CMIP: variants seen among roughly 807,000 people sequenced by gnomAD.
CMIP encodes c-Maf inducing protein.
A neutral mutation model predicts 97.3 loss-of-function variants in CMIP; 13 were observed. The observed-to-expected ratio is 0.13, with a 90% CI of 0.09 to 0.21. CMIP has a LOEUF of 0.21. CMIP is among the 10% of genes least tolerant of loss of function. The probability of loss-of-function intolerance (pLI) is 1.00; values close to 1 mark genes in which losing one functional copy is unlikely to be tolerated. For synonymous variants in CMIP, 538 were observed against 436.3 expected, an observed-to-expected ratio of 1.23 and a Z score of -2.91; for missense variants, 847 against 1,024.9, an observed-to-expected ratio of 0.83 and a Z score of 2.37.
In CMIP at chr16:81,701,727, C is replaced by T; in HGVS notation, c.1823C>T (p.Thr608Ile). ...NNDTQLQIIS[T>I]LESTDVGKRM... ...GACACCCAACTGCAGATCATCTCAA[C>T]CCTGGAGAGCACAGACGTGGGGAAG... The change falls in exon 16 of 21, where the codon ACC becomes ATC. Residue 608 changes from threonine to isoleucine, a missense_variant. Thr to Ile is a moderately conservative substitution (Grantham distance 89). Coordinates refer to ENST00000537098, the MANE Select transcript of CMIP (RefSeq NM_198390.3). The T allele has an allele frequency of 6.2e-7, 1 of 1,613,940 alleles. No homozygotes were observed. Among genetic ancestry groups the T allele is most frequent in the Non-Finnish European group, 8.5e-7 (1 of 1,179,886 alleles).
intron 1 of CMIP, among the ~76,000 whole-genome samples, chr16:81,508,261 A>T (rs986290376): frequency 6.6e-6 from 1 of 152,232 alleles, no homozygotes; most frequent in Non-Finnish European, 1.5e-5. Flanking sequence ...CGGCTGGCTT[A>T]TCTCCTCCCC....
At chr16:81,457,028 C>A (rs1391541933) in intron 1 of CMIP, among the ~76,000 whole-genome samples, 1 of 152,154 alleles carries the variant, frequency 6.6e-6, no homozygotes, top group Non-Finnish European at 1.5e-5. Context: ...TCTGTCACAG[C>A]CGGTGGTGAG....
intron 7 of CMIP, among the ~76,000 whole-genome samples, chr16:81,667,942 C>A (rs1237832723): frequency 6.6e-6 from 1 of 151,932 alleles, no homozygotes; most frequent in Non-Finnish European, 1.5e-5. Flanking sequence ...CGAGTGAAAG[C>A]TCCCCCTGCA....
intron 1 of CMIP, among the ~76,000 whole-genome samples, chr16:81,446,608 C>G (rs1397769548): frequency 1.3e-5 from 2 of 152,168 alleles, no homozygotes; most frequent in East Asian, 1.9e-4. Flanking sequence ...CCACCGTGAT[C>G]CTGTTTACTA....
At chr16:81,517,941 C>T (rs563512900) in intron 1 of CMIP, 1 of 983,786 alleles carries the variant, frequency 1.0e-6, no homozygotes, top group African/African-American at 1.7e-5. Context: ...CAAGGATTTT[C>T]TAGGAAAATG....
rs542989095 is a variant in CMIP, at chr16:81,535,203, A to G, written c.301-72364A>G. ...CTGACCTAGTGATCTGCCTGCCTCA[A>G]CCTCCCAAAGTGCTGGCATTACAGG... On this transcript the variant is annotated intron_variant, in intron 1 of 20. Coordinates refer to ENST00000537098, the MANE Select transcript of CMIP (RefSeq NM_198390.3). Among the ~76,000 whole-genome samples the G allele has an allele frequency of 1.4e-4, 21 of 152,120 alleles. No homozygotes were observed. In the South Asian group the frequency reaches 3.3e-3, roughly 24 times the overall value.
At chr16:81,542,540 C>T (rs2090468016) in intron 1 of CMIP, among the ~76,000 whole-genome samples, 1 of 152,118 alleles carries the variant, frequency 6.6e-6, no homozygotes, top group Non-Finnish European at 1.5e-5. Context: ...TCGTATTCTC[C>T]ATCTGTGTTA....
rs1028763782 is a variant in CMIP, at chr16:81,655,348, T to C, written c.640-2427T>C. 4.6e-5 allele frequency among the ~76,000 whole-genome samples: 7 copies of C among 152,074 alleles called. No individual in the cohort carries two copies. Among genetic ancestry groups the C allele is most frequent in the African/African-American group, 1.7e-4 (7 of 41,380 alleles). ...GGAGGGAGCAGGCAGAGGGGCATCG[T>C]GGAGGGAGCTGCTAAGGACGCAAAA... is the stretch of plus-strand genomic sequence containing the variant. On this transcript the variant is annotated intron_variant, in intron 4 of 20. Transcript: ENST00000537098. This position sits in a 1 kb window ranked among gnomAD's most constrained non-coding sequence, Gnocchi z 4.9.
intron 1 of CMIP, among the ~76,000 whole-genome samples, chr16:81,605,974 A>G (rs2091737566): frequency 6.6e-6 from 1 of 152,224 alleles, no homozygotes; most frequent in Non-Finnish European, 1.5e-5. Flanking sequence ...CATCAGGGAA[A>G]TTGAGGCAGC....
At chr16:81,512,945 C>T (rs1165371871) in intron 1 of CMIP, among the ~76,000 whole-genome samples, 1 of 152,176 alleles carries the variant, frequency 6.6e-6, no homozygotes, top group African/African-American at 2.4e-5. Flanking sequence ...CCATGTTGCC[C>T]AAGCTGGTCT....
At position 81,468,668 on chromosome 16, in the gene CMIP, A is replaced by G. The variant is rs148635752; in HGVS notation, c.300+23127A>G. The stretch of plus-strand genomic sequence containing the variant: ...GCATGGGAGAAGAGAGTTATGGACA[A>G]TCGGTTCCAGTGCCCGCAAACGAGG... On this transcript the variant is annotated intron_variant, in intron 1 of 20. Coordinates refer to ENST00000537098, the MANE Select transcript of CMIP (RefSeq NM_198390.3). Among the ~76,000 whole-genome samples the G allele has an allele frequency of 3.8e-3, 577 of 152,310 alleles. 3 individuals are homozygous for G. The highest frequency in any genetic ancestry group is 0.012 in the African/African-American group (491 of 41,576).
chr16:81,535,313 A>G (rs931816016), intron 1 of CMIP, among the ~76,000 whole-genome samples: 1 of 152,148 alleles, frequency 6.6e-6, no homozygotes, highest in African/African-American at 2.4e-5. Context: ...CAGAGAGGTC[A>G]AGCAACCTGC....
chr16:81,474,517 C>T (rs1030871770), intron 1 of CMIP, among the ~76,000 whole-genome samples: 1 of 152,208 alleles, frequency 6.6e-6, no homozygotes, highest in Non-Finnish European at 1.5e-5. Context: ...CTTCAGACCA[C>T]ACCTCTGGTG....
Position 81,595,034 on chromosome 16 carries a change from G to GTCTCTCTCTC in CMIP, c.301-12514_301-12505dup, listed in dbSNP as rs60887695. 1.2e-3 allele frequency among the ~76,000 whole-genome samples: 179 copies of GTCTCTCTCTC among 145,790 alleles called. 1 individual carries two copies. The highest frequency in any genetic ancestry group is 4.3e-3 in the African/African-American group (170 of 39,986). On this transcript the variant is annotated intron_variant, in intron 1 of 20. Transcript: ENST00000537098. Reference sequence around the variant, plus strand: ...ACTACAATAAAGGTAATATCATGTGGTCTCTCTCTCTCTCTCTCTCTCTCT... The same window carrying GTCTCTCTCTC: ...ACTACAATAAAGGTAATATCATGTGGTCTCTCTCTCTCTCTCTCTCTCTCTCTCTCTCTCT...
intron 1 of CMIP, among the ~76,000 whole-genome samples, chr16:81,568,347 C>G (rs2287115): frequency 0.097 from 14,765 of 152,182 alleles, 949 homozygotes; most frequent in African/African-American, 0.18. Flanking sequence ...CCTCTGCCCA[C>G]TGAAAGTGGG....
chr16:81,469,977 C>G (rs758188276), intron 1 of CMIP, among the ~76,000 whole-genome samples: 1 of 152,186 alleles, frequency 6.6e-6, no homozygotes, highest in Non-Finnish European at 1.5e-5. Context: ...AAGAGCAGGC[C>G]TCAGTGATCT....
chr16:81,500,754 G>A (rs1322954601), intron 1 of CMIP, among the ~76,000 whole-genome samples: 1 of 151,828 alleles, frequency 6.6e-6, no homozygotes, highest in African/African-American at 2.4e-5. Context: ...CTCCCAAAGT[G>A]TTGGCATTAC....
chr16:81,668,219 G>A (rs887892341), intron 7 of CMIP, among the ~76,000 whole-genome samples: 1 of 152,156 alleles, frequency 6.6e-6, no homozygotes, highest in African/African-American at 2.4e-5. Flanking sequence ...GCTCCCCTCC[G>A]TGGTCAGCCA....
At chr16:81,623,579 A>G (rs1413063793) in intron 3 of CMIP, among the ~76,000 whole-genome samples, 1 of 152,158 alleles carries the variant, frequency 6.6e-6, no homozygotes, top group Admixed American at 6.5e-5. Context: ...GGTGGCAGTG[A>G]TATTTCAGTG....
Sources: gnomAD v4.1 joint callset for allele counts (sites outside exome capture counted in the v4.1 genomes callset) on GRCh38, gnomAD v4.1.1 for gene constraint, Gnocchi (gnomAD v3.1) non-coding constraint, MANE v1.5 for transcripts, NCBI Gene and HGNC (gene_info 2026-07-23, HGNC 2026-07-21) for gene names.